Variants in ITIH4 observed in about 807,000 individuals in gnomAD.
ITIH4 encodes inter-alpha-trypsin inhibitor heavy chain 4.
A neutral mutation model predicts 111.8 loss-of-function variants in ITIH4; 79 were observed. That is an observed-to-expected ratio of 0.71 (90% CI 0.59 to 0.85). The LOEUF is 0.85. Ranked by LOEUF, ITIH4 falls within the 40% of genes least tolerant of loss-of-function variation. ITIH4 has a pLI of 0.00. For synonymous variants in ITIH4, 472 were observed against 468.3 expected, an observed-to-expected ratio of 1.01 and a Z score of -0.10; for missense variants, 1,065 against 1,195.8, an observed-to-expected ratio of 0.89 and a Z score of 1.61.
intron 11 of ITIH4, among the ~76,000 whole-genome samples, chr3:52,821,567 G>C (rs1700381665): frequency 6.6e-6 from 1 of 152,210 alleles, no homozygotes; most frequent in Non-Finnish European, 1.5e-5. Flanking sequence ...GTCAGAGGCA[G>C]AGTTGAGAAC....
In ITIH4 at chr3:52,829,253, G is replaced by A. The variant is rs113973204; in HGVS notation, c.117C>T (p.Thr39=). 78 of 1,612,338 alleles carry A rather than the reference G, an allele frequency of 4.8e-5. No homozygotes were observed. Among genetic ancestry groups the A allele is most frequent in the African/African-American group, 2.1e-4 (16 of 75,018 alleles). Residue 39 remains threonine (T), a synonymous_variant, in exon 2 of 24, where the codon ACC becomes ACT. Transcript: ENST00000266041. The part of the protein sequence containing the change: ...EKNGIDIYSL[T]VDSRVSSRFA... ...ATCGGGATGAGACCCTGGAGTCCAC[G>A]GTGAGGCTGTAGATGTCGATGCCAT...
At position 52,830,647 on chromosome 3, in the gene ITIH4, G is replaced by T; in HGVS notation, c.-5C>A. ...GACAGGCCTTGGGGGCTTCATCGTG[G>T]CTCCAGTGTCTGCCAGGAGGCTTCT... On this transcript the variant is annotated 5_prime_UTR_variant, in exon 1 of 24. Transcript: ENST00000266041. 1 of 1,600,748 alleles carries T rather than the reference G, an allele frequency of 6.2e-7. No homozygotes were observed. Among genetic ancestry groups the T allele is most frequent in the Non-Finnish European group, 8.5e-7 (1 of 1,171,166 alleles).
chr3:52,824,803 G>C lies in ITIH4; in HGVS notation c.876+39C>G, dbSNP rs1404133979. On this transcript the variant is annotated intron_variant, in intron 7 of 23. Coordinates refer to ENST00000266041, the MANE Select transcript of ITIH4 (RefSeq NM_002218.5). The surrounding 1 kb of genome is among the most constrained non-coding windows in gnomAD (Gnocchi z 4.3). ...CCACAGCTGATAGCGTGAAGGGCCTGGGAGTTTTCAGGGCCCTGCCCTGGG... is the reference window on the plus strand; with the variant it reads ...CCACAGCTGATAGCGTGAAGGGCCTCGGAGTTTTCAGGGCCCTGCCCTGGG... The C allele has an allele frequency of 6.7e-7, 1 of 1,503,126 alleles. No individual in the cohort carries two copies. The highest frequency in any genetic ancestry group is 9.2e-7 in the Non-Finnish European group (1 of 1,086,362). 93.1% of individuals were successfully genotyped at this position (1,503,126 alleles called of 1,614,324 possible). A position where few individuals can be genotyped will look rare whatever the true frequency, so the allele number is the denominator to read the frequency against.
chr3:52,817,169 TC>T, intron 20 of ITIH4, 111 bp from the exon 21 acceptor site: 4 of 854,782 alleles, frequency 4.7e-6, no homozygotes, highest in Non-Finnish European at 7.3e-6. Flanking sequence ...AGCAGCTCCC[TC>T]CCTCATCAGG....
At chr3:52,814,458 G>T in intron 21 of ITIH4, 95 bp from the exon 22 acceptor site, 1 of 1,087,648 alleles carries the variant, frequency 9.2e-7, no homozygotes, top group Non-Finnish European at 1.4e-6. Flanking sequence ...TTCCCCTCTT[G>T]TCCAGGAAGT....
chr3:52,827,087 G>C lies in ITIH4; in HGVS notation c.356+6C>G. The C allele has an allele frequency of 6.2e-7, 1 of 1,613,602 alleles. No homozygotes were observed. The highest frequency in any genetic ancestry group is 8.5e-7 in the Non-Finnish European group (1 of 1,179,594). On this transcript the variant is annotated splice_donor_region_variant and intron_variant, in intron 3 of 23. Transcript: ENST00000266041. ...TCCCCACTGAAGCTGCCCCCCACCA[G>C]CTCACTTGACGAGGCCAGCGCTCTT...
At chr3:52,828,352 G>A (rs1242714462) in intron 2 of ITIH4, among the ~76,000 whole-genome samples, 3 of 152,242 alleles carry the variant, frequency 2.0e-5, no homozygotes, top group Non-Finnish European at 4.4e-5. Context: ...AGAGGCTGCG[G>A]TGGAGTGGGG....
At position 52,827,206 on chromosome 3, in the gene ITIH4, A is replaced by C; in HGVS notation, c.252-9T>G. ...TCATGCCATCGATGATCCTGGGGGC[A>C]GAAGGGTGGGAGTTGTTGAGAGCCT... On this transcript the variant is annotated splice_polypyrimidine_tract_variant and intron_variant, in intron 2 of 23. Coordinates refer to ENST00000266041, the MANE Select transcript of ITIH4 (RefSeq NM_002218.5). 1 of 1,609,786 alleles carries C rather than the reference A, an allele frequency of 6.2e-7. No individual in the cohort carries two copies. Among genetic ancestry groups the C allele is most frequent in the African/African-American group, 1.3e-5 (1 of 74,956 alleles).
chr3:52,830,588 G>C lies in ITIH4; in HGVS notation c.55C>G (p.Leu19Val). The C allele has an allele frequency of 6.2e-7, 1 of 1,614,208 alleles. No homozygotes were observed. ...GTAGTAGTCTGGTGGATGGCCAGCA[G>C]TGAAAGCAGGACGAGAACTTTGCTG... ...TCSKVLVLLS[L>V]LAIHQTTTAE... Residue 19 changes from leucine to valine, a missense_variant, in exon 1 of 24, where the codon CTG (leucine) becomes GTG (valine). By Grantham distance (32) the Leu-to-Val change is conservative (BLOSUM62 1). Transcript: ENST00000266041.
At position 52,824,933 on chromosome 3, in the gene ITIH4, T is replaced by C. The variant is rs1476445374; in HGVS notation, c.785A>G (p.Tyr262Cys). 1.2e-6 allele frequency: 2 copies of C among 1,613,500 alleles called. No homozygotes were observed. Among genetic ancestry groups the C allele is most frequent in the Non-Finnish European group, 1.7e-6 (2 of 1,179,636 alleles). ...IQIENGYFVHYFAPEGLTTMP... is the reference protein window; with the variant it reads ...IQIENGYFVHCFAPEGLTTMP... ...TGTGGTTAGGCCCTCGGGGGCAAAG[T>C]AGTGTACAAAGTAGCCGTTCTCGAT... The change falls in exon 7 of 24, where the codon TAC (tyrosine) becomes TGC (cysteine). Residue 262 changes from tyrosine (Y) to cysteine (C), a missense_variant. By Grantham distance (194) the Tyr-to-Cys change is radical. Transcript: ENST00000266041. This position sits in a 1 kb window ranked among gnomAD's most constrained non-coding sequence, Gnocchi z 4.3.
Position 52,813,487 on chromosome 3 carries a change from C to T in ITIH4, c.2727G>A (p.Glu909=), listed in dbSNP as rs749642112. Residue 909 remains glutamate (E), a synonymous_variant, in exon 24 of 24, where the codon GAG becomes GAA. Coordinates refer to ENST00000266041, the MANE Select transcript of ITIH4 (RefSeq NM_002218.5). Reference sequence around the variant, plus strand: ...GCCCCTCCTGGTAATCCAGCCTGCGCTCTCTGAAATGGAAAGACAGACAGA... The same window carrying T: ...GCCCCTCCTGGTAATCCAGCCTGCGTTCTCTGAAATGGAAAGACAGACAGA... ...VQGNDHSATR[E]RRLDYQEGPP... The T allele has an allele frequency of 3.7e-6, 6 of 1,613,946 alleles. No homozygotes were observed. Among genetic ancestry groups the T allele is most frequent in the Non-Finnish European group, 1.7e-6 (2 of 1,179,852 alleles).
rs779363950 is a variant in ITIH4 at position 52,820,720 on chromosome 3, T to C, written c.1745A>G (p.Tyr582Cys). 7.9e-5 allele frequency: 127 copies of C among 1,613,990 alleles called. No individual in the cohort carries two copies. The highest frequency in any genetic ancestry group is 1.0e-4 in the Non-Finnish European group (121 of 1,179,996). ...RNQALNLSLA[Y>C]SFVTPLTSMV... The stretch of plus-strand genomic sequence containing the variant: ...AGATGTGAGAGGCGTGACAAAGCTG[T>C]AGGCAAGTGATAAATTCAGCGCTTG... Residue 582 changes from tyrosine (Y) to cysteine (C), a missense_variant, in exon 13 of 24, where the codon TAC becomes TGC. Physicochemically the swap from Tyr to Cys is radical, Grantham distance 194. Coordinates refer to ENST00000266041, the MANE Select transcript of ITIH4 (RefSeq NM_002218.5).
At chr3:52,827,241 G>A (rs1252269128) in intron 2 of ITIH4, 44 bp from the exon 3 acceptor site, 3 of 1,483,878 alleles carry the variant, frequency 2.0e-6, no homozygotes, top group African/African-American at 2.8e-5. Flanking sequence ...TGGTGGCAGG[G>A]GCCCATTCCA....
At chr3:52,818,605 C>T (rs962912995) in intron 17 of ITIH4, 69 bp from the exon 18 acceptor site, 23 of 1,336,752 alleles carry the variant, frequency 1.7e-5, no homozygotes, top group Non-Finnish European at 2.3e-5. Context: ...ACCAGCAGCG[C>T]TGCCACCAAG....
chr3:52,820,950 GC>G lies in ITIH4; in HGVS notation c.1679+40del. On this transcript the variant is annotated intron_variant, in intron 12 of 23. Coordinates refer to ENST00000266041, the MANE Select transcript of ITIH4 (RefSeq NM_002218.5). ...GCGCTGTACCGTGCCACCTGTGCCT[GC>G]CCCCTAGCGACAGGCTTAGGGAGGT... 5 of 1,602,382 alleles carry G rather than the reference GC, an allele frequency of 3.1e-6. No homozygotes were observed. In the South Asian group the frequency reaches 5.6e-5, roughly 18 times the overall value.
At chr3:52,813,612 T>C in intron 23 of ITIH4, 122 bp from the exon 24 acceptor site, 1 of 866,138 alleles carries the variant, frequency 1.2e-6, no homozygotes, top group Non-Finnish European at 1.9e-6. Flanking sequence ...CCTTTAGAAT[T>C]CCCTCCAGCA....
At chr3:52,826,676 G>C in intron 4 of ITIH4, 25 bp from the exon 5 acceptor site, 1 of 1,611,406 alleles carries the variant, frequency 6.2e-7, no homozygotes, top group Non-Finnish European at 8.5e-7. Context: ...TGGGTCCCTG[G>C]GTCAGCCAGG....
chr3:52,819,643 C>A (rs1185978429), intron 16 of ITIH4, 111 bp downstream of exon 16: 3 of 1,575,834 alleles, frequency 1.9e-6, no homozygotes, highest in Non-Finnish European at 2.6e-6. Flanking sequence ...CCACACCCGG[C>A]CAACTTGGGG....
chr3:52,819,441 C>G lies in ITIH4; in HGVS notation c.2029G>C (p.Asp677His). Residue 677 changes from aspartate (D) to histidine (H), a missense_variant, in exon 17 of 24, where the codon GAT (aspartate) becomes CAT (histidine). Coordinates refer to ENST00000266041, the MANE Select transcript of ITIH4 (RefSeq NM_002218.5). ...SRQLGLPGPP[D>H]VPDHAAYHPF... ...TGGTAAGCAGCATGGTCAGGAACAT[C>G]AGGAGGTCCTGGGAGTCCAAGTTGC... 1 of 1,614,162 alleles carries G rather than the reference C, an allele frequency of 6.2e-7. No individual in the cohort carries two copies. Among genetic ancestry groups the G allele is most frequent in the African/African-American group, 1.3e-5 (1 of 75,060 alleles).
Sources: allele counts gnomAD v4.1 joint callset (sites outside exome capture counted in the v4.1 genomes callset), GRCh38; gene constraint gnomAD v4.1.1; non-coding constraint Gnocchi (gnomAD v3.1); transcripts MANE v1.5; gene names NCBI Gene and HGNC (gene_info 2026-07-23, HGNC 2026-07-21).